ZNF407: variants seen among roughly 807,000 people sequenced by gnomAD.
The protein encoded by ZNF407 is zinc finger protein 407.
ZNF407 carries 17 observed loss-of-function variants against 131.2 expected under a neutral mutation model. The observed-to-expected ratio is 0.13, with a 90% CI of 0.09 to 0.19. The LOEUF is 0.19. Among genes scored for constraint, ZNF407 ranks in the 10% least tolerant of loss-of-function variants. ZNF407 has a pLI of 1.00. For missense variants in ZNF407, 2,681 were observed against 2,830.6 expected (o/e 0.95, Z 1.20); for synonymous variants, 1,156 against 1,062.0 (o/e 1.09, Z -1.72).
intron 3 of ZNF407, among the ~76,000 whole-genome samples, chr18:74,663,125 G>A (rs902662119): frequency 2.0e-5 from 3 of 151,346 alleles, no homozygotes. Flanking sequence ...AAGCAACCTA[G>A]TTTTTTTTTA....
At chr18:74,691,809 A>G (rs892155368) in intron 3 of ZNF407, among the ~76,000 whole-genome samples, 3 of 152,126 alleles carry the variant, frequency 2.0e-5, no homozygotes, top group Non-Finnish European at 4.4e-5. Flanking sequence ...AATAATATTT[A>G]TGGGCCGAGT....
rs1319909642 is a variant in ZNF407, at chr18:74,850,490, G to C, written c.4878-26707G>C. On this transcript the variant is annotated intron_variant, in intron 4 of 8. Transcript: ENST00000299687. ...CCTCCTTTCACTTGCCAGTACGCCT[G>C]TTTCCGTACCCTACCTTATGGCAGA... Among the ~76,000 whole-genome samples, 15 of 152,074 alleles carry C rather than the reference G, an allele frequency of 9.9e-5. No individual in the cohort carries two copies. In the East Asian group the frequency reaches 2.9e-3, roughly 29 times the overall value.
chr18:74,796,590 T>C (rs1969924371), intron 4 of ZNF407, among the ~76,000 whole-genome samples: 1 of 152,186 alleles, frequency 6.6e-6, no homozygotes, highest in Non-Finnish European at 1.5e-5. Context: ...AGCCTAAAAT[T>C]CTAGCATACA....
chr18:74,694,984 G>A (rs1217425186), intron 3 of ZNF407, among the ~76,000 whole-genome samples: 1 of 152,016 alleles, frequency 6.6e-6, no homozygotes, highest in African/African-American at 2.4e-5. Context: ...ACTTTAGAGG[G>A]GATAAACCTG....
At chr18:74,751,517 C>T (rs1451724475) in intron 3 of ZNF407, among the ~76,000 whole-genome samples, 2 of 152,098 alleles carry the variant, frequency 1.3e-5, no homozygotes, top group African/African-American at 2.4e-5. Context: ...TGCTATCCCT[C>T]TCCCCTCCCC....
intron 3 of ZNF407, among the ~76,000 whole-genome samples, chr18:74,644,177 C>CTTTT (rs34393480): frequency 8.4e-6 from 1 of 118,868 alleles, no homozygotes; most frequent in East Asian, 2.5e-4. Flanking sequence ...TTGGGGGAAT[C>CTTTT]TTTTTTTTTT....
chr18:74,941,297 G>A (rs949058304), intron 8 of ZNF407, among the ~76,000 whole-genome samples: 10 of 152,206 alleles, frequency 6.6e-5, no homozygotes, highest in African/African-American at 1.4e-4. Context: ...TGAAGTCGGT[G>A]TAGCATGTGC....
intron 3 of ZNF407, among the ~76,000 whole-genome samples, chr18:74,719,650 G>A (rs890291412): frequency 7.9e-5 from 12 of 152,116 alleles, no homozygotes; most frequent in African/African-American, 2.4e-4. Flanking sequence ...TGATCCTCCC[G>A]CCTCAGCCTC....
At chr18:74,762,355 T>A (rs181137178) in intron 3 of ZNF407, among the ~76,000 whole-genome samples, 1 of 152,276 alleles carries the variant, frequency 6.6e-6, no homozygotes, top group East Asian at 1.9e-4. Flanking sequence ...TATTTTCTAA[T>A]TAAAATTATT....
At chr18:74,734,882 A>C (rs1394923208) in intron 3 of ZNF407, among the ~76,000 whole-genome samples, 2 of 152,082 alleles carry the variant, frequency 1.3e-5, no homozygotes, top group African/African-American at 4.8e-5. Context: ...GGATACCATA[A>C]ATTTTCTTTC....
intron 8 of ZNF407, among the ~76,000 whole-genome samples, chr18:74,978,051 C>G (rs1046746399): frequency 6.6e-6 from 1 of 152,164 alleles, no homozygotes; most frequent in Admixed American, 6.5e-5. Flanking sequence ...TTTTGTCTTA[C>G]AAGGTGCTTT....
intron 8 of ZNF407, among the ~76,000 whole-genome samples, chr18:74,980,469 A>T (rs2122121518): frequency 6.6e-6 from 1 of 151,982 alleles, no homozygotes; most frequent in East Asian, 1.9e-4. Flanking sequence ...ACGCCCGGCT[A>T]ATTTTTTTGT....
chr18:74,700,976 T>C (rs1284706287), intron 3 of ZNF407, among the ~76,000 whole-genome samples: 1 of 152,270 alleles, frequency 6.6e-6, no homozygotes, highest in East Asian at 1.9e-4. Context: ...TATTTGGAGA[T>C]AGGGCCTATA....
Position 74,798,199 on chromosome 18 carries a change from C to G in ZNF407, c.4877+16697C>G, listed in dbSNP as rs955795503. Among the ~76,000 whole-genome samples, 29 of 103,810 alleles carry G rather than the reference C, an allele frequency of 2.8e-4. 1 individual carries two copies. The highest frequency in any genetic ancestry group is 1.5e-3 in the East Asian group (5 of 3,376). The allele number at this position is 103,810 out of a possible 152,430, so 68.1% of individuals were successfully genotyped here. A position where few individuals can be genotyped will look rare whatever the true frequency, so the allele number is the denominator to read the frequency against. ...GTTTTACAGGTATTCTTTCTTTCTT[C>G]CTTTACACAAACACACACACACACA... On this transcript the variant is annotated intron_variant, in intron 4 of 8. Coordinates refer to ENST00000299687, the MANE Select transcript of ZNF407 (RefSeq NM_017757.3).
At chr18:74,876,358 A>T (rs1430580376) in intron 4 of ZNF407, among the ~76,000 whole-genome samples, 3 of 152,156 alleles carry the variant, frequency 2.0e-5, no homozygotes, top group Admixed American at 1.3e-4. Flanking sequence ...AGTTACAGGG[A>T]TTGTTTTAAA....
intron 8 of ZNF407, among the ~76,000 whole-genome samples, chr18:74,972,483 G>A (rs1324440714): frequency 6.6e-6 from 1 of 152,150 alleles, no homozygotes; most frequent in African/African-American, 2.4e-5. Flanking sequence ...GGAGGTTTTA[G>A]CTCCATCCCT....
Position 74,717,200 on chromosome 18 carries a change from A to G in ZNF407, c.4803-64228A>G, listed in dbSNP as rs1249923763. ...GTAAAAATTATGTGTAAAAATGACA[A>G]TAAAAGTCAAGTTATTCTGTTTCAT... On this transcript the variant is annotated intron_variant, in intron 3 of 8. Coordinates refer to ENST00000299687, the MANE Select transcript of ZNF407 (RefSeq NM_017757.3). Among the ~76,000 whole-genome samples the G allele has an allele frequency of 4.6e-5, 7 of 152,364 alleles. No homozygotes were observed. In the East Asian group the frequency reaches 1.3e-3, roughly 29 times the overall value.
At chr18:75,055,655 G>T (rs547131006) in intron 8 of ZNF407, among the ~76,000 whole-genome samples, 1 of 152,192 alleles carries the variant, frequency 6.6e-6, no homozygotes, top group African/African-American at 2.4e-5. Flanking sequence ...GACTATTCTT[G>T]GTAAAGTTAG....
At chr18:74,629,656 A>G (rs1343564487) in intron 1 of ZNF407, among the ~76,000 whole-genome samples, 1 of 152,196 alleles carries the variant, frequency 6.6e-6, no homozygotes, top group Non-Finnish European at 1.5e-5. Context: ...AGTCAAAGCA[A>G]TAGGCTCCAT....
Sources: allele counts gnomAD v4.1 joint callset (sites outside exome capture counted in the v4.1 genomes callset), GRCh38; gene constraint gnomAD v4.1.1; transcripts MANE v1.5; gene names NCBI Gene and HGNC (gene_info 2026-07-23, HGNC 2026-07-21).